Variants in SOS1 observed in about 807,000 individuals in gnomAD.
SOS1 encodes son of sevenless homolog 1.
A neutral mutation model predicts 157.6 loss-of-function variants in SOS1; 25 were observed. The observed-to-expected ratio is 0.16, with a 90% CI of 0.12 to 0.22. The LOEUF is 0.22. Ranked by LOEUF, SOS1 falls within the 10% of genes least tolerant of loss-of-function variation. The pLI is 1.00. For synonymous variants in SOS1, 528 were observed against 534.0 expected (o/e 0.99, Z 0.16); for missense variants, 1,237 against 1,599.1 (o/e 0.77, Z 3.86).
intron 17 of SOS1, among the ~76,000 whole-genome samples, chr2:38,998,459 C>T (rs1668975736): frequency 6.6e-6 from 1 of 152,098 alleles, no homozygotes; most frequent in African/African-American, 2.4e-5. Context: ...CCATGTTGGC[C>T]AGGCTGGTCT....
intron 17 of SOS1, among the ~76,000 whole-genome samples, chr2:38,999,702 A>T (rs1213785155): frequency 6.6e-6 from 1 of 152,218 alleles, no homozygotes; most frequent in South Asian, 2.1e-4. Flanking sequence ...TCAGTCTGAC[A>T]AACACGTCCA....
At chr2:39,092,780 T>C (rs986487705) in intron 1 of SOS1, among the ~76,000 whole-genome samples, 1 of 152,220 alleles carries the variant, frequency 6.6e-6, no homozygotes, top group Admixed American at 6.5e-5. Flanking sequence ...AAGCGTGATA[T>C]GAAATAAAAT....
chr2:39,107,329 A>C (rs547982169), intron 1 of SOS1, among the ~76,000 whole-genome samples: 9 of 152,170 alleles, frequency 5.9e-5, no homozygotes, highest in Non-Finnish European at 1.0e-4. Flanking sequence ...CCAGTCACTG[A>C]CTGAGCATGG....
intron 17 of SOS1, among the ~76,000 whole-genome samples, chr2:39,005,870 A>G (rs1669266882): frequency 6.6e-6 from 1 of 152,064 alleles, no homozygotes; most frequent in Non-Finnish European, 1.5e-5. Flanking sequence ...AAAATAAAGG[A>G]AATAAAGAAC....
At chr2:39,124,822 T>C (rs533517613), upstream of SOS1, among the ~76,000 whole-genome samples, 1 of 152,246 alleles carries the variant, frequency 6.6e-6, no homozygotes, top group Admixed American at 6.5e-5. Flanking sequence ...ATCACTTCTG[T>C]CTCTGTCTCC....
At chr2:39,007,366 A>C in intron 15 of SOS1, 173 bp from the exon 16 acceptor site, 1 of 606,894 alleles carries the variant, frequency 1.6e-6, no homozygotes, top group Non-Finnish European at 2.9e-6. Context: ...GCCTCCAGTC[A>C]GGCATACTGC....
chr2:39,058,619 A>G, intron 3 of SOS1, 54 bp downstream of exon 3: 1 of 1,570,800 alleles, frequency 6.4e-7, no homozygotes, highest in Non-Finnish European at 8.7e-7. Context: ...TTGTATAAAA[A>G]TGGTGGGTTT....
At chr2:39,001,008 G>A (rs968643280) in intron 17 of SOS1, among the ~76,000 whole-genome samples, 1 of 152,158 alleles carries the variant, frequency 6.6e-6, no homozygotes, top group Admixed American at 6.5e-5. Flanking sequence ...AATGCTAAAG[G>A]CTTGGATGTT....
rs751065321 is a variant in SOS1, at chr2:39,035,287, T to G, written c.999A>C (p.Glu333Asp). 1.2e-6 allele frequency: 2 copies of G among 1,613,924 alleles called. No homozygotes were observed. The highest frequency in any genetic ancestry group is 3.3e-5 in the Admixed American group (2 of 60,008). The stretch of plus-strand genomic sequence containing the variant: ...GCCTGGGTAAAACATATTGAACAGC[T>G]TCTTTGAAACCTTCGCCTATTGACT... ...YLQSIGEGFK[E>D]AVQYVLPRLL... The change falls in exon 8 of 23, where the codon GAA becomes GAC. Residue 333 changes from glutamate to aspartate, a missense_variant. Physicochemically the swap from Glu to Asp is conservative, Grantham distance 45. Transcript: ENST00000402219.
chr2:39,067,196 T>A (rs1671617076), intron 2 of SOS1, among the ~76,000 whole-genome samples: 2 of 152,016 alleles, frequency 1.3e-5, no homozygotes, highest in African/African-American at 4.8e-5. Context: ...AAATTTTTTT[T>A]AGAGATGGGG....
chr2:38,996,252 G>A (rs1248730346), intron 19 of SOS1, among the ~76,000 whole-genome samples: 1 of 152,122 alleles, frequency 6.6e-6, no homozygotes, highest in Non-Finnish European at 1.5e-5. Context: ...ACCATGTCTG[G>A]CTAAGTTTTG....
At chr2:39,054,332 A>T (rs1034453327) in intron 5 of SOS1, among the ~76,000 whole-genome samples, 8 of 152,250 alleles carry the variant, frequency 5.3e-5, no homozygotes, top group Non-Finnish European at 8.8e-5. Flanking sequence ...GACTCAAACA[A>T]ACATATCTTC....
chr2:39,101,344 G>C (rs999468727), intron 1 of SOS1, among the ~76,000 whole-genome samples: 1 of 152,166 alleles, frequency 6.6e-6, no homozygotes, highest in Non-Finnish European at 1.5e-5. Flanking sequence ...CTAACACTGA[G>C]ACGTGAGATT....
At chr2:39,090,954 AACCTC>A (rs1433489946) in intron 1 of SOS1, among the ~76,000 whole-genome samples, 1 of 152,056 alleles carries the variant, frequency 6.6e-6, no homozygotes, top group Non-Finnish European at 1.5e-5. Flanking sequence ...CTGCAACCTC[AACCTC>A]CTGGGTTCAA....
chr2:39,038,120 A>G (rs1322354429), intron 6 of SOS1, among the ~76,000 whole-genome samples: 1 of 152,226 alleles, frequency 6.6e-6, no homozygotes, highest in Non-Finnish European at 1.5e-5. Context: ...TGACATAGAT[A>G]GTGATTCCTC....
chr2:39,080,511 T>C (rs1672164363), intron 1 of SOS1, among the ~76,000 whole-genome samples: 2 of 152,198 alleles, frequency 1.3e-5, no homozygotes, highest in African/African-American at 4.8e-5. Flanking sequence ...ATGTACTCTT[T>C]TCAATGTATA....
intron 5 of SOS1, among the ~76,000 whole-genome samples, chr2:39,052,711 T>C (rs1166126576): frequency 6.6e-6 from 1 of 152,234 alleles, no homozygotes; most frequent in Non-Finnish European, 1.5e-5. Context: ...ACATTTGGGT[T>C]GTTTCCAGTT....
chr2:39,005,408 A>G (rs938347331), intron 17 of SOS1, among the ~76,000 whole-genome samples: 12 of 152,214 alleles, frequency 7.9e-5, no homozygotes, highest in South Asian at 6.2e-4. Context: ...GCTGGAAACA[A>G]TGTGTCCAAT....
intron 6 of SOS1, among the ~76,000 whole-genome samples, chr2:39,046,565 C>T (rs112467101): frequency 1.7e-3 from 245 of 141,930 alleles, no homozygotes; most frequent in African/African-American, 6.7e-3. Flanking sequence ...AGTGCAGTGG[C>T]GGGATCTCGG....
Sources: gnomAD v4.1 joint callset for allele counts (sites outside exome capture counted in the v4.1 genomes callset) on GRCh38, gnomAD v4.1.1 for gene constraint, MANE v1.5 for transcripts, NCBI Gene and HGNC (gene_info 2026-07-23, HGNC 2026-07-21) for gene names.